The following SLK variants were observed in gnomAD, a reference collection of about 807,000 sequenced individuals.
SLK encodes STE20 like kinase.
A neutral mutation model predicts 147.7 loss-of-function variants in SLK; 67 were observed. The ratio of observed to expected loss-of-function variants is 0.45; its 90% confidence interval spans 0.37 to 0.56. The LOEUF (loss-of-function observed/expected upper bound fraction) is 0.56, where lower values mean the gene tolerates loss of function less well. Among genes scored for constraint, SLK ranks in the 20% least tolerant of loss-of-function variants. The probability of loss-of-function intolerance (pLI) is 0.00; values close to 1 mark genes in which losing one functional copy is unlikely to be tolerated. For synonymous variants in SLK, 441 were observed against 475.0 expected, an observed-to-expected ratio of 0.93 and a Z score of 0.93; for missense variants, 1,136 against 1,438.8, an observed-to-expected ratio of 0.79 and a Z score of 3.41.
At chr10:104,016,881 A>G (rs1844471985) in intron 13 of SLK, among the ~76,000 whole-genome samples, 2 of 152,192 alleles carry the variant, frequency 1.3e-5, no homozygotes, top group Non-Finnish European at 2.9e-5. Context: ...AGGATGTGCA[A>G]GAGGGGGGAT....
chr10:104,025,664 C>T lies in SLK; in HGVS notation c.3652C>T (p.Gln1218Ter). 1 of 1,613,934 alleles carries T rather than the reference C, an allele frequency of 6.2e-7. No homozygotes were observed. The highest frequency in any genetic ancestry group is 2.2e-5 in the East Asian group (1 of 44,874). The change falls in exon 19 of 19, where the codon CAG (glutamine) becomes TAG (stop). Residue 1218 changes from glutamine to a stop codon, truncating the protein, a stop_gained. Transcript: ENST00000369755. LOFTEE classifies it high-confidence loss of function. ...GESECLNPSTQSRISKFYPIP... is the reference protein window; with the variant it reads ...GESECLNPST ...GTCTGAATGCCTTAACCCATCAACA[C>T]AGAGCCGGATTTCCAAATTTTATCC...
intron 1 of SLK, among the ~76,000 whole-genome samples, chr10:103,986,353 C>T (rs1255391571): frequency 1.3e-5 from 2 of 152,108 alleles, no homozygotes; most frequent in Admixed American, 6.5e-5. Flanking sequence ...GATCATCAGG[C>T]GTTAGATTCT....
chr10:103,976,535 C>T (rs1357523112), intron 1 of SLK, among the ~76,000 whole-genome samples: 2 of 151,410 alleles, frequency 1.3e-5, no homozygotes, highest in African/African-American at 4.9e-5. Flanking sequence ...TGTGCTTATT[C>T]AATATTTGGG....
chr10:103,983,965 T>A (rs1011220956), intron 1 of SLK, among the ~76,000 whole-genome samples: 3 of 152,214 alleles, frequency 2.0e-5, no homozygotes, highest in Non-Finnish European at 2.9e-5. Context: ...TTTCCCTTTG[T>A]TCCCATAGTC....
intron 8 of SLK, among the ~76,000 whole-genome samples, 165 bp from the exon 9 acceptor site, chr10:104,002,007 C>T (rs779259775): frequency 6.6e-6 from 1 of 152,204 alleles, no homozygotes; most frequent in Non-Finnish European, 1.5e-5. Context: ...TGTGCCACCG[C>T]ACCCGGCCCA....
chr10:103,985,000 A>G (rs1416387411), intron 1 of SLK, among the ~76,000 whole-genome samples: 4 of 152,158 alleles, frequency 2.6e-5, no homozygotes. Context: ...CCGAGGTTTC[A>G]CTTTCCATGG....
intron 16 of SLK, 119 bp downstream of exon 16, chr10:104,020,041 C>A: frequency 1.3e-6 from 1 of 755,288 alleles, no homozygotes. Context: ...TGTTGATGTT[C>A]ACTTTAATTC....
rs1589547471 is a variant in SLK, at chr10:104,019,867, G to A, written c.3266G>A (p.Ser1089Asn). The change falls in exon 16 of 19, where the codon AGT (serine) becomes AAT (asparagine). Residue 1089 changes from serine to asparagine, a missense_variant. Around this residue, in one of 6 missense-constraint regions of SLK, gnomAD observed 327 missense variants for 457.5 expected, o/e 0.71. Coordinates refer to ENST00000369755, the MANE Select transcript of SLK (RefSeq NM_014720.4). The part of the protein sequence containing the change: ...AKTRMAMFKK[S>N]LRINSTATPD... ...ACTCGAATGGCCATGTTTAAGAAGAGTTTGAGAATTAACTCAACAGCCACA... is the reference window on the plus strand; with the variant it reads ...ACTCGAATGGCCATGTTTAAGAAGAATTTGAGAATTAACTCAACAGCCACA... 6.2e-7 allele frequency: 1 copy of A among 1,614,028 alleles called. No homozygotes were observed. Among genetic ancestry groups the A allele is most frequent in the African/African-American group, 1.3e-5 (1 of 74,926 alleles).
chr10:103,971,952 C>CT (rs924733004), intron 1 of SLK, among the ~76,000 whole-genome samples: 1 of 152,100 alleles, frequency 6.6e-6, no homozygotes, highest in African/African-American at 2.4e-5. Context: ...CATTTATTTG[C>CT]TTTTCTTAAT....
chr10:103,995,333 A>G (rs1844152991), intron 4 of SLK, among the ~76,000 whole-genome samples: 1 of 151,366 alleles, frequency 6.6e-6, no homozygotes, highest in African/African-American at 2.4e-5. Flanking sequence ...TTGATAGCTT[A>G]CTTGACAGTT....
rs554523423 is a variant in SLK at position 104,026,638 on chromosome 10, A to G, written c.*918A>G. The G allele has an allele frequency of 6.6e-6, 1 of 152,332 alleles. No individual in the cohort carries two copies. The highest frequency in any genetic ancestry group is 2.1e-4 in the South Asian group (1 of 4,830). 9.4% of individuals were successfully genotyped at this position (152,332 alleles called of 1,614,324 possible). A position where few individuals can be genotyped will look rare whatever the true frequency, so the allele number is the denominator to read the frequency against. On this transcript the variant is annotated 3_prime_UTR_variant, in exon 19 of 19. Coordinates refer to ENST00000369755, the MANE Select transcript of SLK (RefSeq NM_014720.4). ...TGAGCTGGTTAAATGATTTCTCTCC[A>G]TCTTAGCTAATTCTGTTTAAAACTC...
In SLK at chr10:104,008,294, A is replaced by G; in HGVS notation, c.2722A>G (p.Lys908Glu). The change falls in exon 12 of 19, where the codon AAA (lysine) becomes GAA (glutamate). Residue 908 changes from lysine (K) to glutamate (E), a missense_variant. Transcript: ENST00000369755. ...NRLRDEAKRI[K>E]GEQEKELSKF... ...CTTGCGAGATGAAGCCAAACGCATC[A>G]AAGGAGAACAAGAGAAAGAGTTGTC... 6.2e-7 allele frequency: 1 copy of G among 1,614,098 alleles called. No homozygotes were observed. Among genetic ancestry groups the G allele is most frequent in the South Asian group, 1.1e-5 (1 of 91,056 alleles).
chr10:103,976,719 C>G (rs1843876335), intron 1 of SLK, among the ~76,000 whole-genome samples: 1 of 152,144 alleles, frequency 6.6e-6, no homozygotes, highest in Non-Finnish European at 1.5e-5. Flanking sequence ...TCTGTCACCC[C>G]CCGAAAGTTC....
rs1443868548 is a variant in SLK at position 104,026,568 on chromosome 10, G to A, written c.*848G>A. On this transcript the variant is annotated 3_prime_UTR_variant, in exon 19 of 19. Transcript: ENST00000369755. The stretch of plus-strand genomic sequence containing the variant: ...GAAATGTAAAACTCATGAAATTTAA[G>A]CAATATAGGTTTAGCTATCTGTGTT... 1 of 152,116 alleles carries A rather than the reference G, an allele frequency of 6.6e-6. No homozygotes were observed. Among genetic ancestry groups the A allele is most frequent in the Non-Finnish European group, 1.5e-5 (1 of 68,016 alleles). The allele number at this position is 152,116 out of a possible 1,614,324, so 9.4% of individuals were successfully genotyped here.
At chr10:104,010,416 A>G (rs1362249093) in intron 12 of SLK, among the ~76,000 whole-genome samples, 1 of 152,200 alleles carries the variant, frequency 6.6e-6, no homozygotes, top group Non-Finnish European at 1.5e-5. Context: ...TATAAATGGC[A>G]TTAGCTTTCC....
In SLK at chr10:103,975,982, G is replaced by A. The variant is rs542031071; in HGVS notation, c.150+8087G>A. On this transcript the variant is annotated intron_variant, in intron 1 of 18. Coordinates refer to ENST00000369755, the MANE Select transcript of SLK (RefSeq NM_014720.4). ...GTCATCCAGGCCGGAGTGCAGTGGCGCGATCAACTCCCCAGGCTCAGGTGA... is the reference window on the plus strand; with the variant it reads ...GTCATCCAGGCCGGAGTGCAGTGGCACGATCAACTCCCCAGGCTCAGGTGA... Among the ~76,000 whole-genome samples, 3 of 152,056 alleles carry A rather than the reference G, an allele frequency of 2.0e-5. No homozygotes were observed. The South Asian group carries it at 6.2e-4, about 32-fold the overall frequency.
At chr10:104,011,803 G>C (rs889394753) in intron 13 of SLK, among the ~76,000 whole-genome samples, 3 of 152,058 alleles carry the variant, frequency 2.0e-5, no homozygotes, top group Non-Finnish European at 4.4e-5. Context: ...CTCGTGATCT[G>C]CCCGCCTCAG....
At chr10:104,009,361 G>A (rs1159064140) in intron 12 of SLK, among the ~76,000 whole-genome samples, 1 of 152,026 alleles carries the variant, frequency 6.6e-6, no homozygotes, top group Non-Finnish European at 1.5e-5. Context: ...AAATTGAGAA[G>A]AAAATTGAAT....
At chr10:103,975,055 T>C (rs562983128) in intron 1 of SLK, among the ~76,000 whole-genome samples, 1 of 151,940 alleles carries the variant, frequency 6.6e-6, no homozygotes, top group East Asian at 2.0e-4. Flanking sequence ...GTTCTTCCTC[T>C]TTCTGACTTT....
Sources: gnomAD v4.1 joint callset for allele counts (sites outside exome capture counted in the v4.1 genomes callset) on GRCh38, gnomAD v4.1.1 for gene constraint, gnomAD v4.1.1 regional missense constraint, MANE v1.5 for transcripts, NCBI Gene and HGNC (gene_info 2026-07-23, HGNC 2026-07-21) for gene names.